PALMD: variants seen among roughly 807,000 people sequenced by gnomAD.
PALMD encodes paralemmin-like protein.
PALMD carries 42 observed loss-of-function variants against 56.2 expected under a neutral mutation model. The ratio of observed to expected loss-of-function variants is 0.75; its 90% CI spans 0.58 to 0.97. The LOEUF (loss-of-function observed/expected upper bound fraction) is 0.97, where lower values mean the gene tolerates loss of function less well. Among genes scored for constraint, PALMD ranks in the 50% least tolerant of loss-of-function variants. The pLI is 0.00. For missense variants in PALMD, 660 were observed against 643.8 expected (o/e 1.03, Z -0.27); for synonymous variants, 242 against 222.9 (o/e 1.09, Z -0.76).
Position 99,689,465 on chromosome 1 carries a change from C to G in PALMD, c.1205C>G (p.Ser402Cys), listed in dbSNP as rs774542351. The change falls in exon 7 of 8, where the codon TCC becomes TGC. Residue 402 changes from serine to cysteine, a missense_variant. By Grantham distance (112) the Ser-to-Cys change is moderately radical (BLOSUM62 -1). Transcript: ENST00000263174. ...EEDVRYNIVH[S>C]LPPDINDTEP... ...GATGTCAGATATAATATCGTTCATT[C>G]CCTGCCTCCAGACATAAATGATACA... 1.2e-6 allele frequency: 2 copies of G among 1,613,702 alleles called. No individual in the cohort carries two copies.
chr1:99,692,324 G>C (rs910496714), intron 7 of PALMD, among the ~76,000 whole-genome samples: 7 of 152,152 alleles, frequency 4.6e-5, no homozygotes, highest in African/African-American at 1.7e-4. Flanking sequence ...AGCCATTAGA[G>C]TCCAAGGGAT....
intron 3 of PALMD, 22 bp downstream of exon 3, chr1:99,667,788 T>C (rs1652999895): frequency 6.2e-7 from 1 of 1,605,276 alleles, no homozygotes; most frequent in Non-Finnish European, 8.5e-7. Flanking sequence ...ACTGAGATAC[T>C]CCACAACTAC....
chr1:99,662,306 T>G lies in PALMD; in HGVS notation c.46-13T>G. 2 of 1,403,978 alleles carry G rather than the reference T, an allele frequency of 1.4e-6. No individual in the cohort carries two copies. The highest frequency in any genetic ancestry group is 2.0e-6 in the Non-Finnish European group (2 of 999,334). 87.0% of individuals were successfully genotyped at this position (1,403,978 alleles called of 1,614,324 possible). A position where few individuals can be genotyped will look rare whatever the true frequency, so the allele number is the denominator to read the frequency against. ...TTTTAAAAATAAAATATACTGGAAC[T>G]TTTTTATTTCAGGATAAAAGAAAAA... On this transcript the variant is annotated splice_polypyrimidine_tract_variant and intron_variant, in intron 1 of 7. Transcript: ENST00000263174.
intron 1 of PALMD, among the ~76,000 whole-genome samples, chr1:99,647,459 T>C (rs1005616062): frequency 1.4e-4 from 22 of 152,266 alleles, no homozygotes; most frequent in Non-Finnish European, 3.1e-4. Context: ...TCTTAGCCAA[T>C]AGTAAGACAC....
At chr1:99,664,488 T>C (rs192098244) in intron 2 of PALMD, among the ~76,000 whole-genome samples, 129 of 152,260 alleles carry the variant, frequency 8.5e-4, no homozygotes, top group African/African-American at 3.0e-3. Context: ...AGATGGTAAC[T>C]GATACATAAA....
intron 6 of PALMD, among the ~76,000 whole-genome samples, chr1:99,687,735 G>C (rs1397505620): frequency 1.3e-5 from 2 of 152,128 alleles, no homozygotes; most frequent in Admixed American, 6.6e-5. Context: ...CAAATATTTA[G>C]AGAATAGATA....
At chr1:99,649,859 A>G (rs1652526550) in intron 1 of PALMD, among the ~76,000 whole-genome samples, 1 of 152,228 alleles carries the variant, frequency 6.6e-6, no homozygotes, top group South Asian at 2.1e-4. Flanking sequence ...ACTGAGAAAA[A>G]GAGAGTAAGA....
intron 6 of PALMD, among the ~76,000 whole-genome samples, chr1:99,687,716 T>C (rs562538416): frequency 7.4e-4 from 113 of 152,214 alleles, no homozygotes; most frequent in Non-Finnish European, 1.5e-3. Context: ...TAGTCATTTA[T>C]TCATTCAACA....
chr1:99,670,941 T>G (rs1653071988), intron 3 of PALMD, among the ~76,000 whole-genome samples: 2 of 152,220 alleles, frequency 1.3e-5, no homozygotes, highest in African/African-American at 4.8e-5. Context: ...TGTTTTTAAA[T>G]TCAATCTTTC....
At chr1:99,680,003 T>A (rs1571071380) in intron 3 of PALMD, among the ~76,000 whole-genome samples, 1 of 152,222 alleles carries the variant, frequency 6.6e-6, no homozygotes, top group Non-Finnish European at 1.5e-5. Context: ...AAAGGTAGGA[T>A]GATGACTTTT....
intron 1 of PALMD, among the ~76,000 whole-genome samples, chr1:99,648,660 G>T (rs1261242991): frequency 7.1e-6 from 1 of 140,880 alleles, no homozygotes; most frequent in South Asian, 2.2e-4. Flanking sequence ...CACTTTGGAG[G>T]AAAAAAAAAA....
rs192805319 is a variant in PALMD at position 99,684,276 on chromosome 1, A to T, written c.252-2400A>T. On this transcript the variant is annotated intron_variant, in intron 3 of 7. Transcript: ENST00000263174. The stretch of plus-strand genomic sequence containing the variant: ...AAAAGGCTGTAAAAGAAAAAGGGGA[A>T]AAAAGATGAATAAGAAACAGAAAGC... The T allele has an allele frequency of 1.9e-4, 29 of 152,286 alleles. No homozygotes were observed. The East Asian group carries it at 5.2e-3, about 27-fold the overall frequency. 9.4% of individuals were successfully genotyped at this position (152,286 alleles called of 1,614,324 possible).
chr1:99,650,054 G>T (rs908383483), intron 1 of PALMD, among the ~76,000 whole-genome samples: 1 of 152,096 alleles, frequency 6.6e-6, no homozygotes, highest in South Asian at 2.1e-4. Flanking sequence ...GAGTGGGGAT[G>T]GGAGTGCATT....
intron 1 of PALMD, among the ~76,000 whole-genome samples, chr1:99,656,469 T>C (rs769513463): frequency 5.3e-5 from 8 of 152,188 alleles, no homozygotes; most frequent in Non-Finnish European, 8.8e-5. Flanking sequence ...TTTTCAGACC[T>C]AAGCAATGAA....
In PALMD at chr1:99,689,773, T is replaced by C. The variant is rs781414898; in HGVS notation, c.1513T>C (p.Ser505Pro). 7 of 1,613,766 alleles carry C rather than the reference T, an allele frequency of 4.3e-6. No homozygotes were observed. In the East Asian group the frequency reaches 1.6e-4, roughly 36 times the overall value. Reference protein sequence around the residue: ...NHKSPHKNSISLKEQEESLGS... With the variant: ...NHKSPHKNSIPLKEQEESLGS... ...TAAATCCCCCCACAAAAATTCCATA[T>C]CTCTGAAAGAGCAAGAAGAAAGCTT... Residue 505 changes from serine (S) to proline (P), a missense_variant, in exon 7 of 8, where the codon TCT becomes CCT. By Grantham distance (74) the Ser-to-Pro change is moderately conservative (BLOSUM62 -1). Coordinates refer to ENST00000263174, the MANE Select transcript of PALMD (RefSeq NM_017734.5).
chr1:99,646,711 C>T (rs1348057574), intron 1 of PALMD, among the ~76,000 whole-genome samples: 1 of 152,108 alleles, frequency 6.6e-6, no homozygotes, highest in South Asian at 2.1e-4. Context: ...GATAAAAAAA[C>T]AGATCCCCAA....
At chr1:99,683,151 A>G (rs889392193) in intron 3 of PALMD, 68 of 118,280 alleles carry the variant, frequency 5.7e-4, no homozygotes, top group East Asian at 2.1e-4. Context: ...AGAAAGAAAG[A>G]AAGAAAGAAA....
chr1:99,694,288 G>T lies in PALMD; in HGVS notation c.*226G>T. ...TCCAGTTACTTGACACGATTCAGTG[G>T]GGGAAAACCAGCATTTTTTATTCTA... On this transcript the variant is annotated 3_prime_UTR_variant, in exon 8 of 8. Coordinates refer to ENST00000263174, the MANE Select transcript of PALMD (RefSeq NM_017734.5). 1 of 394,678 alleles carries T rather than the reference G, an allele frequency of 2.5e-6. No individual in the cohort carries two copies. Among genetic ancestry groups the T allele is most frequent in the East Asian group, 4.3e-5 (1 of 23,156 alleles). The allele number at this position is 394,678 out of a possible 1,614,324, so 24.4% of individuals were successfully genotyped here.
intron 3 of PALMD, chr1:99,669,244 T>C (rs1020957506): frequency 1.3e-5 from 2 of 152,212 alleles, no homozygotes; most frequent in African/African-American, 4.8e-5. Flanking sequence ...TAGATGTTTT[T>C]GAAATTAACA....
Sources: gnomAD v4.1 joint callset for allele counts (sites outside exome capture counted in the v4.1 genomes callset) on GRCh38, gnomAD v4.1.1 for gene constraint, MANE v1.5 for transcripts, NCBI Gene and HGNC (gene_info 2026-07-23, HGNC 2026-07-21) for gene names.